The following ITGA11 variants were observed in gnomAD, a reference collection of about 807,000 sequenced individuals.
ITGA11 encodes the protein integrin alpha-11.
ITGA11 carries 97 observed loss-of-function variants against 141.9 expected under a neutral mutation model. The observed-to-expected ratio is 0.68, with a 90% CI of 0.58 to 0.81. The LOEUF (loss-of-function observed/expected upper bound fraction) is 0.81. Among genes scored for constraint, ITGA11 ranks in the 30% least tolerant of loss-of-function variants. The pLI, the probability that ITGA11 is intolerant of heterozygous loss-of-function variation, is 0.00. For synonymous variants in ITGA11, 658 were observed against 624.6 expected, an observed-to-expected ratio of 1.05 and a Z score of -0.80; for missense variants, 1,387 against 1,559.2, an observed-to-expected ratio of 0.89 and a Z score of 1.86.
intron 2 of ITGA11, among the ~76,000 whole-genome samples, chr15:68,387,976 C>T (rs1412249718): frequency 1.3e-5 from 2 of 152,174 alleles, no homozygotes; most frequent in Non-Finnish European, 2.9e-5. Flanking sequence ...TCCTGATGCA[C>T]ATGTGGGTCT....
At chr15:68,386,839 T>C (rs943296194) in intron 2 of ITGA11, among the ~76,000 whole-genome samples, 1 of 152,120 alleles carries the variant, frequency 6.6e-6, no homozygotes, top group African/African-American at 2.4e-5. Flanking sequence ...CTCTTTATCC[T>C]TCCCTCCTCT....
At chr15:68,430,029 C>G (rs1897233813) in intron 1 of ITGA11, among the ~76,000 whole-genome samples, 1 of 152,158 alleles carries the variant, frequency 6.6e-6, no homozygotes. Context: ...ACAGGCAGGA[C>G]CCAGATTGCA....
rs1893926287 is a variant in ITGA11 at position 68,325,048 on chromosome 15, C to T, written c.2322+83G>A. 6.0e-6 allele frequency: 6 copies of T among 1,006,780 alleles called. No homozygotes were observed. Among genetic ancestry groups the T allele is most frequent in the Non-Finnish European group, 9.5e-6 (6 of 630,352 alleles). 62.4% of individuals were successfully genotyped at this position (1,006,780 alleles called of 1,614,324 possible). ...GGGATGGTGTCCTCTGTACCCGGCA[C>T]ACTCAGGCTCTGGGCTTTGGGGTTG... On this transcript the variant is annotated intron_variant, in intron 18 of 29. Coordinates refer to ENST00000315757, the MANE Select transcript of ITGA11 (RefSeq NM_001004439.2). This position sits in a 1 kb window ranked among gnomAD's most constrained non-coding sequence, Gnocchi z 5.5.
chr15:68,398,716 T>C (rs1896387381), intron 2 of ITGA11, among the ~76,000 whole-genome samples: 1 of 136,930 alleles, frequency 7.3e-6, no homozygotes, highest in African/African-American at 2.9e-5. Flanking sequence ...ATTAAATATA[T>C]ATTTATTATG....
At chr15:68,313,304 T>C (rs1052946738) in intron 23 of ITGA11, among the ~76,000 whole-genome samples, 6 of 150,368 alleles carry the variant, frequency 4.0e-5, no homozygotes, top group African/African-American at 7.3e-5. Flanking sequence ...CTCCATCAGA[T>C]TGGGGGCCAG....
intron 2 of ITGA11, among the ~76,000 whole-genome samples, chr15:68,383,418 A>G (rs953274539): frequency 8.5e-5 from 13 of 152,260 alleles, no homozygotes; most frequent in Non-Finnish European, 1.6e-4. Flanking sequence ...ATTAGTGAGA[A>G]AAGGCATTTA....
At chr15:68,410,473 G>T (rs1406224162) in intron 1 of ITGA11, among the ~76,000 whole-genome samples, 1 of 152,166 alleles carries the variant, frequency 6.6e-6, no homozygotes, top group Non-Finnish European at 1.5e-5. Flanking sequence ...AGGGAGAAAA[G>T]ACCATAAGCT....
At chr15:68,313,555 G>A (rs1257969510) in intron 23 of ITGA11, among the ~76,000 whole-genome samples, 2 of 152,144 alleles carry the variant, frequency 1.3e-5, no homozygotes, top group Non-Finnish European at 2.9e-5. Flanking sequence ...GCTCCCCAGG[G>A]CCGGGCCTGT....
At chr15:68,415,467 A>G (rs1253505015) in intron 1 of ITGA11, among the ~76,000 whole-genome samples, 1 of 152,216 alleles carries the variant, frequency 6.6e-6, no homozygotes, top group Non-Finnish European at 1.5e-5. Context: ...GTGGAAAAGC[A>G]TCATCTGTCC....
In ITGA11 at chr15:68,307,461, T is replaced by C; in HGVS notation, c.3286-18A>G. ...TACTTGAGCTGTGCAATCAGAGGGC[T>C]CGTCAGAAGCTGGCTTGGAAGCTTT... On this transcript the variant is annotated intron_variant, in intron 27 of 29. Transcript: ENST00000315757. The surrounding 1 kb of genome is among the most constrained non-coding windows in gnomAD (Gnocchi z 6.1). The C allele has an allele frequency of 1.9e-6, 3 of 1,551,340 alleles. No individual in the cohort carries two copies. Among genetic ancestry groups the C allele is most frequent in the African/African-American group, 2.7e-5 (2 of 73,256 alleles).
rs540609691 is a variant in ITGA11, at chr15:68,302,806, G to C, written c.*253C>G. Reference sequence around the variant, plus strand: ...GAGGCCTTGGCATGGGCCTGGGTGTGTGTAGGGGTGTCCCTTTAAATCCCT... The same window carrying C: ...GAGGCCTTGGCATGGGCCTGGGTGTCTGTAGGGGTGTCCCTTTAAATCCCT... On this transcript the variant is annotated 3_prime_UTR_variant, in exon 30 of 30. Coordinates refer to ENST00000315757, the MANE Select transcript of ITGA11 (RefSeq NM_001004439.2). The C allele has an allele frequency of 1.0e-5, 5 of 490,792 alleles. No homozygotes were observed. Among genetic ancestry groups the C allele is most frequent in the African/African-American group, 9.9e-5 (5 of 50,386 alleles). The allele number at this position is 490,792 out of a possible 1,614,324, so 30.4% of individuals were successfully genotyped here.
rs1893944194 is a variant in ITGA11, at chr15:68,325,454, A to C, written c.2212-213T>G. Among the ~76,000 whole-genome samples the C allele has an allele frequency of 6.6e-6, 1 of 152,192 alleles. No individual in the cohort carries two copies. Among genetic ancestry groups the C allele is most frequent in the Admixed American group, 6.5e-5 (1 of 15,286 alleles). On this transcript the variant is annotated intron_variant, in intron 17 of 29. Coordinates refer to ENST00000315757, the MANE Select transcript of ITGA11 (RefSeq NM_001004439.2). The surrounding 1 kb of genome is among the most constrained non-coding windows in gnomAD (Gnocchi z 5.5). ...GTGAAAGGAGCTCCAAGCTCAGCTC[A>C]TGCCAACCTAGCTGCCTGGCTGTTT...
chr15:68,297,927 T>G lies in ITGA11; in HGVS notation c.*5132A>C, dbSNP rs1003608816. On this transcript the variant is annotated 3_prime_UTR_variant, in exon 30 of 30. Coordinates refer to ENST00000315757, the MANE Select transcript of ITGA11 (RefSeq NM_001004439.2). Reference sequence around the variant, plus strand: ...GGACTATGTGTGTCGTAACTGAGAGTAGGCTCTGGGTCTCTTGACCCACTG... The same window carrying G: ...GGACTATGTGTGTCGTAACTGAGAGGAGGCTCTGGGTCTCTTGACCCACTG... 3 of 152,052 alleles carry G rather than the reference T, an allele frequency of 2.0e-5. No individual in the cohort carries two copies. Among genetic ancestry groups the G allele is most frequent in the African/African-American group, 7.2e-5 (3 of 41,402 alleles). The allele number at this position is 152,052 out of a possible 1,614,324, so 9.4% of individuals were successfully genotyped here.
At position 68,325,039 on chromosome 15, in the gene ITGA11, T is replaced by C. The variant is rs1227754832; in HGVS notation, c.2322+92A>G. On this transcript the variant is annotated intron_variant, in intron 18 of 29. Coordinates refer to ENST00000315757, the MANE Select transcript of ITGA11 (RefSeq NM_001004439.2). The surrounding 1 kb of genome is among the most constrained non-coding windows in gnomAD (Gnocchi z 5.5). Reference sequence around the variant, plus strand: ...GTGAGATGAGGGATGGTGTCCTCTGTACCCGGCACACTCAGGCTCTGGGCT... The same window carrying C: ...GTGAGATGAGGGATGGTGTCCTCTGCACCCGGCACACTCAGGCTCTGGGCT... The C allele has an allele frequency of 3.0e-5, 28 of 925,752 alleles. No individual in the cohort carries two copies. In the Admixed American group the frequency reaches 3.9e-4, roughly 13 times the overall value. 57.3% of individuals were successfully genotyped at this position (925,752 alleles called of 1,614,324 possible).
At chr15:68,353,165 T>C (rs1894967928) in intron 7 of ITGA11, among the ~76,000 whole-genome samples, 1 of 152,218 alleles carries the variant, frequency 6.6e-6, no homozygotes, top group African/African-American at 2.4e-5. Context: ...AACTGATGCA[T>C]ACAATTTAGG....
intron 2 of ITGA11, among the ~76,000 whole-genome samples, chr15:68,393,002 T>C (rs996823338): frequency 6.6e-6 from 1 of 152,062 alleles, no homozygotes; most frequent in African/African-American, 2.4e-5. Flanking sequence ...GATGGACAAT[T>C]GGGATCAAGA....
intron 1 of ITGA11, among the ~76,000 whole-genome samples, chr15:68,421,974 G>T (rs955824012): frequency 6.6e-6 from 1 of 152,176 alleles, no homozygotes; most frequent in East Asian, 1.9e-4. Context: ...CACAGCTGAT[G>T]TTTGGCTTGT....
chr15:68,342,676 G>A (rs1404918640), intron 10 of ITGA11, among the ~76,000 whole-genome samples: 5 of 152,216 alleles, frequency 3.3e-5, no homozygotes, highest in Non-Finnish European at 4.4e-5. Context: ...CCACAGCCCC[G>A]GCAGTGAAGG....
At chr15:68,376,225 TCTC>T (rs1344529321) in intron 2 of ITGA11, among the ~76,000 whole-genome samples, 1 of 42,862 alleles carries the variant, frequency 2.3e-5, no homozygotes, top group African/African-American at 5.5e-5. Context: ...ATTGTTCTCC[TCTC>T]TTTTTTTTTT....
Sources: gnomAD v4.1 joint callset for allele counts (sites outside exome capture counted in the v4.1 genomes callset) on GRCh38, gnomAD v4.1.1 for gene constraint, Gnocchi (gnomAD v3.1) non-coding constraint, MANE v1.5 for transcripts, NCBI Gene and HGNC (gene_info 2026-07-23, HGNC 2026-07-21) for gene names.